AFAP1L2: variants seen among roughly 807,000 people sequenced by gnomAD.
AFAP1L2 encodes actin filament-associated protein 1-like 2.
Under a neutral mutation model 99.3 loss-of-function variants are expected in AFAP1L2, and 46 were observed. That is an observed-to-expected ratio of 0.46 (90% CI 0.37 to 0.59). The LOEUF (loss-of-function observed/expected upper bound fraction) is 0.59. Among genes scored for constraint, AFAP1L2 ranks in the 20% least tolerant of loss-of-function variants. The probability of loss-of-function intolerance (pLI) is 0.00; values close to 1 mark genes in which losing one functional copy is unlikely to be tolerated. For missense variants in AFAP1L2, 959 were observed against 1,034.9 expected, an observed-to-expected ratio of 0.93 and a Z score of 1.01; for synonymous variants, 397 against 419.1, an observed-to-expected ratio of 0.95 and a Z score of 0.64.
At chr10:114,281,979 T>A in the AFAP1L2 span, among the ~76,000 whole-genome samples, 1 of 150,256 alleles carries the variant, frequency 6.7e-6, no homozygotes, top group Admixed American at 6.7e-5. Flanking sequence ...TGCATGTGGA[T>A]GTCCCTAATT....
chr10:114,388,223 T>A (rs919409087), intron 1 of AFAP1L2, among the ~76,000 whole-genome samples: 1 of 152,100 alleles, frequency 6.6e-6, no homozygotes, highest in Admixed American at 6.5e-5. Flanking sequence ...CGCACCATCC[T>A]GCTCTCCCAT....
At chr10:114,363,692 C>T (rs746450492) in intron 1 of AFAP1L2, among the ~76,000 whole-genome samples, 1 of 152,160 alleles carries the variant, frequency 6.6e-6, no homozygotes, top group Admixed American at 6.5e-5. Context: ...GCTCACCCAC[C>T]ACCTCTGGGA....
rs766929781 is a variant in AFAP1L2 at position 114,352,479 on chromosome 10, TAAAAA to T, written c.17-11753_17-11749del. Reference sequence around the variant, plus strand: ...ACAGAGCAAGACTCTGTCTCCAAATTAAAAAAAAAAAAAAAAAAAAGCAACCGGAG... The same window carrying T: ...ACAGAGCAAGACTCTGTCTCCAAATTAAAAAAAAAAAAAAAGCAACCGGAG... On this transcript the variant is annotated intron_variant, in intron 1 of 18. Coordinates refer to ENST00000304129, the MANE Select transcript of AFAP1L2 (RefSeq NM_001001936.3). Among the ~76,000 whole-genome samples the T allele has an allele frequency of 1.7e-4, 12 of 71,390 alleles. No individual in the cohort carries two copies. In the East Asian group the frequency reaches 3.7e-3, roughly 22 times the overall value. The allele number at this position is 71,390 out of a possible 152,430, so 46.8% of individuals were successfully genotyped here.
chr10:114,288,633 G>A, the AFAP1L2 span, among the ~76,000 whole-genome samples: 1 of 152,366 alleles, frequency 6.6e-6, no homozygotes, highest in African/African-American at 2.4e-5. Context: ...AGGGGAAGTG[G>A]AAGGTAAGCA....
chr10:114,339,741 T>C (rs1262413064), intron 2 of AFAP1L2, among the ~76,000 whole-genome samples: 3 of 151,970 alleles, frequency 2.0e-5, no homozygotes, highest in Non-Finnish European at 4.4e-5. Flanking sequence ...AGGCCAGGCA[T>C]GGTGGCTTAC....
At position 114,304,862 on chromosome 10, in the gene AFAP1L2, G is replaced by A. The variant is rs1177861974; in HGVS notation, c.1141C>T (p.His381Tyr). ...CTCCGGTTCCGGTCCTGGTAGAAGT[G>A]CAGGTGATTGTCCCTGACAGAGCAC... ...RWCSVRDNHL[H>Y]FYQDRNRSKV... Residue 381 changes from histidine (H) to tyrosine (Y), a missense_variant, in exon 11 of 19, where the codon CAC (histidine) becomes TAC (tyrosine). His to Tyr is a moderately conservative substitution (Grantham distance 83). Transcript: ENST00000304129. 3 of 1,613,500 alleles carry A rather than the reference G, an allele frequency of 1.9e-6. No individual in the cohort carries two copies. The East Asian group carries it at 6.7e-5, about 36-fold the overall frequency.
At chr10:114,355,347 C>T (rs1011322663) in intron 1 of AFAP1L2, among the ~76,000 whole-genome samples, 7 of 151,880 alleles carry the variant, frequency 4.6e-5, no homozygotes, top group South Asian at 2.1e-4. Flanking sequence ...CTCCGCCTCC[C>T]GGATTCACAC....
intron 4 of AFAP1L2, among the ~76,000 whole-genome samples, chr10:114,328,468 T>G (rs540864580): frequency 6.6e-6 from 1 of 152,022 alleles, no homozygotes; most frequent in African/African-American, 2.4e-5. Flanking sequence ...GAAGGGCGGG[T>G]TTTCTGTCTG....
chr10:114,306,908 G>T (rs1356044362), intron 10 of AFAP1L2, among the ~76,000 whole-genome samples: 1 of 152,130 alleles, frequency 6.6e-6, no homozygotes, highest in African/African-American at 2.4e-5. Flanking sequence ...AGAAGCCGGA[G>T]AATGCAAAGA....
chr10:114,372,248 A>T (rs2054214924), intron 1 of AFAP1L2, among the ~76,000 whole-genome samples: 1 of 152,148 alleles, frequency 6.6e-6, no homozygotes, highest in Non-Finnish European at 1.5e-5. Context: ...ATGCCCTGGG[A>T]GCCCCCACTT....
chr10:114,301,505 G>T, intron 12 of AFAP1L2, 40 bp from the exon 13 acceptor site: 1 of 1,474,514 alleles, frequency 6.8e-7, no homozygotes, highest in Non-Finnish European at 9.5e-7. Flanking sequence ...AGCAGCCGGG[G>T]CAGGGTGGTG....
intron 1 of AFAP1L2, among the ~76,000 whole-genome samples, chr10:114,359,855 T>C (rs567717596): frequency 2.0e-5 from 3 of 152,274 alleles, no homozygotes; most frequent in African/African-American, 7.2e-5. Flanking sequence ...GGCTCCTCTT[T>C]TGGATTTCTG....
intron 1 of AFAP1L2, among the ~76,000 whole-genome samples, chr10:114,390,775 A>G (rs1019126386): frequency 2.0e-5 from 3 of 151,612 alleles, no homozygotes; most frequent in African/African-American, 7.3e-5. Context: ...GTACTAGCCT[A>G]TACTCCCTCA....
At chr10:114,313,843 C>G in intron 7 of AFAP1L2, 28 bp downstream of exon 7, 7 of 1,572,002 alleles carry the variant, frequency 4.5e-6, no homozygotes, top group Non-Finnish European at 6.1e-6. Flanking sequence ...TCTAGGAACC[C>G]CTCCAAGTGG....
intron 12 of AFAP1L2, 187 bp downstream of exon 12, chr10:114,302,152 C>T (rs1281165337): frequency 1.1e-6 from 1 of 888,134 alleles, no homozygotes; most frequent in Non-Finnish European, 1.7e-6. Context: ...GCTCCTTGCT[C>T]TTAGCTCAGC....
intron 1 of AFAP1L2, among the ~76,000 whole-genome samples, chr10:114,384,288 G>GC (rs2056181773): frequency 6.6e-6 from 1 of 151,884 alleles, no homozygotes; most frequent in African/African-American, 2.4e-5. Flanking sequence ...CGGCTGCTTG[G>GC]CCTTCCTTGC....
chr10:114,304,866 G>C lies in AFAP1L2; in HGVS notation c.1137C>G (p.His379Gln). 6.2e-7 allele frequency: 1 copy of C among 1,613,462 alleles called. No individual in the cohort carries two copies. The highest frequency in any genetic ancestry group is 8.5e-7 in the Non-Finnish European group (1 of 1,180,024). The change falls in exon 11 of 19, where the codon CAC becomes CAG. Residue 379 changes from histidine (H) to glutamine (Q), a missense_variant. Physicochemically the swap from His to Gln is conservative, Grantham distance 24 (BLOSUM62 0). Transcript: ENST00000304129. ...GGTTCCGGTCCTGGTAGAAGTGCAG[G>C]TGATTGTCCCTGACAGAGCACCAGC... is the stretch of plus-strand genomic sequence containing the variant. ...KSRWCSVRDNHLHFYQDRNRS... is the reference protein window; with the variant it reads ...KSRWCSVRDNQLHFYQDRNRS...
At chr10:114,290,206 G>A, downstream of AFAP1L2, 1 of 1,548,234 alleles carries the variant, frequency 6.5e-7, no homozygotes, top group Non-Finnish European at 8.7e-7. Flanking sequence ...CCCATGCCTG[G>A]CCGGCCTGGT....
At chr10:114,304,629 TTAGTA>T in intron 11 of AFAP1L2, 85 bp downstream of exon 11, 1 of 1,222,146 alleles carries the variant, frequency 8.2e-7, no homozygotes, top group Non-Finnish European at 1.1e-6. Flanking sequence ...TGATTCTCCC[TTAGTA>T]GCATTACAGT....
Sources: gnomAD v4.1 joint callset for allele counts (sites outside exome capture counted in the v4.1 genomes callset) on GRCh38, gnomAD v4.1.1 for gene constraint, MANE v1.5 for transcripts, NCBI Gene and HGNC (gene_info 2026-07-23, HGNC 2026-07-21) for gene names.